MLANA: variants seen among roughly 807,000 people sequenced by gnomAD.
The protein encoded by MLANA is melan-A.
Under a neutral mutation model 15.7 loss-of-function variants are expected in MLANA, and 21 were observed. That is an observed-to-expected ratio of 1.33 (90% CI 0.95 to 1.92). The LOEUF is 1.92. MLANA is among the 40% of genes most tolerant of loss of function. MLANA has a pLI of 0.00. For synonymous variants in MLANA, 56 were observed against 51.5 expected (o/e 1.09, Z -0.37); for missense variants, 164 against 143.8 (o/e 1.14, Z -0.72).
rs577122806 is a variant in MLANA at position 5,894,352 on chromosome 9, T to A, written c.77+1801T>A. On this transcript the variant is annotated intron_variant, in intron 2 of 4. Coordinates refer to ENST00000381477, the MANE Select transcript of MLANA (RefSeq NM_005511.2). This position sits in a 1 kb window ranked among gnomAD's most constrained non-coding sequence, Gnocchi z 4.0. ...ATATAAGAAGCTGGTTAAACAGGCA[T>A]GGGACTGAGACTGAGGAGGCAAAGA... is the stretch of plus-strand genomic sequence containing the variant. Among the ~76,000 whole-genome samples the A allele has an allele frequency of 6.6e-6, 1 of 152,102 alleles. No homozygotes were observed. The highest frequency in any genetic ancestry group is 2.1e-4 in the South Asian group (1 of 4,812).
chr9:5,898,632 T>C lies in MLANA; in HGVS notation c.174+979T>C, dbSNP rs538797672. Among the ~76,000 whole-genome samples the C allele has an allele frequency of 9.9e-4, 151 of 152,284 alleles. 2 individuals carry two copies. In the South Asian group the frequency reaches 0.016, roughly 17 times the overall value. ...GTTTATAGGGCACAGGGGAAGGGGT[T>C]TGAGGTTCCCTTATAGCAAACAGGA... On this transcript the variant is annotated intron_variant, in intron 3 of 4. Coordinates refer to ENST00000381477, the MANE Select transcript of MLANA (RefSeq NM_005511.2).
chr9:5,893,081 A>C (rs12350407), intron 2 of MLANA, among the ~76,000 whole-genome samples: 11,592 of 152,266 alleles, frequency 0.076, 605 homozygotes, highest in South Asian at 0.14. Flanking sequence ...ATTAAAAATA[A>C]GTATTTATAT....
At chr9:5,892,667 C>T (rs947198958) in intron 2 of MLANA, 116 bp downstream of exon 2, 6 of 756,796 alleles carry the variant, frequency 7.9e-6, no homozygotes, top group Non-Finnish European at 1.2e-5. Context: ...TCTCCCCAGA[C>T]AGTAACATCC....
intron 2 of MLANA, 73 bp from the exon 3 acceptor site, chr9:5,897,484 A>T: frequency 1.5e-6 from 2 of 1,374,148 alleles, no homozygotes; most frequent in South Asian, 2.3e-5. Flanking sequence ...GAAGAGGAAG[A>T]CTGATTTATG....
At chr9:5,905,499 T>C (rs984456137) in intron 3 of MLANA, among the ~76,000 whole-genome samples, 13 of 152,164 alleles carry the variant, frequency 8.5e-5, no homozygotes, top group African/African-American at 3.1e-4. Context: ...CTTCAAACCA[T>C]AAAAAAATTT....
At position 5,906,950 on chromosome 9, in the gene MLANA, T is replaced by C; in HGVS notation, c.240T>C (p.Asp80=). Residue 80 remains aspartate, a synonymous_variant, in exon 4 of 5, where the codon GAT becomes GAC. Transcript: ENST00000381477. ...LTRRCPQEGF[D]HRDSKVSLQE... is the part of the protein sequence containing the mutation. The stretch of plus-strand genomic sequence containing the variant: ...GAAGATGCCCACAAGAAGGGTTTGA[T>C]CATCGGGACAGCAAAGTGTCTCTTC... 2 of 1,600,270 alleles carry C rather than the reference T, an allele frequency of 1.2e-6. No homozygotes were observed. The highest frequency in any genetic ancestry group is 1.7e-6 in the Non-Finnish European group (2 of 1,174,666).
chr9:5,896,164 G>A lies in MLANA; in HGVS notation c.78-1393G>A, dbSNP rs375768314. On this transcript the variant is annotated intron_variant, in intron 2 of 4. Coordinates refer to ENST00000381477, the MANE Select transcript of MLANA (RefSeq NM_005511.2). ...GTTGGTTCTGCCACTTGCTGGTTGT[G>A]CAGCCCTGGGCACTTGACCAGCATA... Among the ~76,000 whole-genome samples, 4 of 152,314 alleles carry A rather than the reference G, an allele frequency of 2.6e-5. No individual in the cohort carries two copies. The South Asian group carries it at 8.3e-4, about 32-fold the overall frequency.
Position 5,890,944 on chromosome 9 carries a change from C to T in MLANA, c.-26+8C>T, listed in dbSNP as rs1185647329. On this transcript the variant is annotated splice_region_variant and intron_variant, in intron 1 of 4. Transcript: ENST00000381477. ...GGACTCTCATTAAGGAAGGTAAGAG[C>T]GTTGCCTTCTCGCCATAATCATAGT... 2 of 152,130 alleles carry T rather than the reference C, an allele frequency of 1.3e-5. No homozygotes were observed. The highest frequency in any genetic ancestry group is 4.8e-5 in the African/African-American group (2 of 41,422). 9.4% of individuals were successfully genotyped at this position (152,130 alleles called of 1,614,324 possible).
At chr9:5,907,173 AAAAT>A in intron 4 of MLANA, 175 bp downstream of exon 4, 1 of 380,268 alleles carries the variant, frequency 2.6e-6, no homozygotes, top group Non-Finnish European at 4.6e-6. Flanking sequence ...ATGAGAATAA[AAAAT>A]AAATAATAAT....
chr9:5,904,463 T>C (rs541008301), intron 3 of MLANA, among the ~76,000 whole-genome samples: 7 of 152,292 alleles, frequency 4.6e-5, no homozygotes, highest in African/African-American at 1.7e-4. Flanking sequence ...TTTCTTGGCA[T>C]ATCAGTTATA....
Position 5,894,176 on chromosome 9 carries a change from G to T in MLANA, c.77+1625G>T, listed in dbSNP as rs1563809562. Among the ~76,000 whole-genome samples the T allele has an allele frequency of 2.0e-5, 3 of 152,146 alleles. No individual in the cohort carries two copies. The highest frequency in any genetic ancestry group is 4.4e-5 in the Non-Finnish European group (3 of 68,034). On this transcript the variant is annotated intron_variant, in intron 2 of 4. Coordinates refer to ENST00000381477, the MANE Select transcript of MLANA (RefSeq NM_005511.2). The surrounding 1 kb of genome is among the most constrained non-coding windows in gnomAD (Gnocchi z 4.0). Reference sequence around the variant, plus strand: ...CTGGAGGCTGATGCTAGTCAGCTCAGTAGGCCGAAAGTGGAGTTGTCCTTT... The same window carrying T: ...CTGGAGGCTGATGCTAGTCAGCTCATTAGGCCGAAAGTGGAGTTGTCCTTT...
At position 5,910,036 on chromosome 9, in the gene MLANA, T is replaced by C. The variant is rs531093909; in HGVS notation, c.*1328T>C. 501 of 152,324 alleles carry C rather than the reference T, an allele frequency of 3.3e-3. 2 individuals are homozygous for C. Among genetic ancestry groups the C allele is most frequent in the African/African-American group, 0.01 (432 of 41,570 alleles). 9.4% of individuals were successfully genotyped at this position (152,324 alleles called of 1,614,324 possible). On this transcript the variant is annotated 3_prime_UTR_variant, in exon 5 of 5. Coordinates refer to ENST00000381477, the MANE Select transcript of MLANA (RefSeq NM_005511.2). ...TAACAACGAAGATAATGAAAGTAAT[T>C]TTTTTAACCTAAGAAAATACTAATG...
At chr9:5,897,160 T>C (rs192781172) in intron 2 of MLANA, among the ~76,000 whole-genome samples, 1 of 152,362 alleles carries the variant, frequency 6.6e-6, no homozygotes, top group East Asian at 1.9e-4. Flanking sequence ...GATGAGTCAG[T>C]GTTAATTTCT....
intron 3 of MLANA, among the ~76,000 whole-genome samples, chr9:5,902,547 C>G (rs111525930): frequency 0.011 from 1,717 of 151,994 alleles, 30 homozygotes; most frequent in African/African-American, 0.039. Context: ...TCACTGTTAC[C>G]TTGAACTCCT....
intron 3 of MLANA, among the ~76,000 whole-genome samples, chr9:5,903,888 C>T (rs956230133): frequency 6.6e-5 from 10 of 151,396 alleles, no homozygotes; most frequent in African/African-American, 1.7e-4. Context: ...GACAGAGTCT[C>T]GCTGTGTCAC....
intron 3 of MLANA, among the ~76,000 whole-genome samples, chr9:5,905,320 C>G (rs375141205): frequency 3.9e-4 from 59 of 152,244 alleles, no homozygotes; most frequent in African/African-American, 1.4e-3. Flanking sequence ...TTGGCCATGA[C>G]GGGAAGGGAG....
rs1253330103 is a variant in MLANA at position 5,892,329 on chromosome 9, A to G, written c.-25-121A>G. The G allele has an allele frequency of 9.1e-6, 5 of 549,094 alleles. No homozygotes were observed. The East Asian group carries it at 1.3e-4, about 14-fold the overall frequency. 34.0% of individuals were successfully genotyped at this position (549,094 alleles called of 1,614,324 possible). A position where few individuals can be genotyped will look rare whatever the true frequency, so the allele number is the denominator to read the frequency against. On this transcript the variant is annotated intron_variant, in intron 1 of 4. Transcript: ENST00000381477. ...GGTGCAAATCCCCTCACAGAGAGAA[A>G]CCAAAGGGTCCTGGCTATGGATATT...
In MLANA at chr9:5,906,954, C is replaced by A; in HGVS notation, c.244C>A (p.Arg82=). The A allele has an allele frequency of 2.5e-6, 4 of 1,599,814 alleles. No individual in the cohort carries two copies. Among genetic ancestry groups the A allele is most frequent in the Non-Finnish European group, 1.7e-6 (2 of 1,174,358 alleles). ...ATGCCCACAAGAAGGGTTTGATCAT[C>A]GGGACAGCAAAGTGTCTCTTCAAGA... is the stretch of plus-strand genomic sequence containing the variant. ...RRCPQEGFDH[R]DSKVSLQEKN... Residue 82 remains arginine, a synonymous_variant, in exon 4 of 5, where the codon CGG becomes AGG. Transcript: ENST00000381477.
intron 4 of MLANA, among the ~76,000 whole-genome samples, chr9:5,907,427 T>C (rs1422064001): frequency 6.6e-6 from 1 of 152,222 alleles, no homozygotes; most frequent in Non-Finnish European, 1.5e-5. Context: ...GCTTAGCCAC[T>C]AGTCACATGG....
Sources: allele counts gnomAD v4.1 joint callset (sites outside exome capture counted in the v4.1 genomes callset), GRCh38; gene constraint gnomAD v4.1.1; non-coding constraint Gnocchi (gnomAD v3.1); transcripts MANE v1.5; gene names NCBI Gene and HGNC (gene_info 2026-07-23, HGNC 2026-07-21).